Variants in RBM4 observed in about 807,000 individuals in gnomAD.
The protein encoded by RBM4 is RNA binding motif protein 4, also known as RNA-binding protein 4.
A neutral mutation model predicts 29.5 loss-of-function variants in RBM4; 7 were observed. The observed-to-expected ratio is 0.24, with a 90% CI of 0.14 to 0.45. The LOEUF is 0.45. Ranked by LOEUF, RBM4 falls within the 20% of genes least tolerant of loss-of-function variation. The pLI, the probability that RBM4 is intolerant of heterozygous loss-of-function variation, is 1.00. For synonymous variants in RBM4, 220 were observed against 205.4 expected (o/e 1.07, Z -0.61); for missense variants, 387 against 502.3 (o/e 0.77, Z 2.19).
At chr11:66,657,452 G>C (rs1382242889) in intron 2 of RBM4, among the ~76,000 whole-genome samples, 3 of 151,532 alleles carry the variant, frequency 2.0e-5, no homozygotes, top group Non-Finnish European at 4.4e-5. Flanking sequence ...GGAGGCCGAG[G>C]GGGTGGATCA....
chr11:66,646,522 G>T, downstream of RBM4: 1 of 988,626 alleles, frequency 1.0e-6, no homozygotes, highest in Non-Finnish European at 1.2e-6. Context: ...GGGTTCATTT[G>T]TACCTTGAAG....
In RBM4 at chr11:66,643,560, T is replaced by A; in HGVS notation, c.523T>A (p.Cys175Ser). ...CGKEGHWSKE[C>S]PIDRSGRVAD... ...GAAAGAGGGGCACTGGTCCAAAGAG[T>A]GTCCGATAGATCGTTCAGGCCGCGT... The change falls in exon 3 of 4, where the codon TGT becomes AGT. Residue 175 changes from cysteine to serine, a missense_variant. Physicochemically the swap from Cys to Ser is moderately radical, Grantham distance 112. This residue lies in a region of RBM4 where 281 missense variants were observed against 288.7 expected (regional missense o/e 0.97). Transcript: ENST00000310092. This position sits in a 1 kb window ranked among gnomAD's most constrained non-coding sequence, Gnocchi z 6.1. The A allele has an allele frequency of 1.2e-6, 2 of 1,613,862 alleles. No homozygotes were observed. The highest frequency in any genetic ancestry group is 1.7e-6 in the Non-Finnish European group (2 of 1,179,972).
chr11:66,658,337 CTTTT>C (rs35133059), intron 2 of RBM4, among the ~76,000 whole-genome samples: 5 of 50,454 alleles, frequency 9.9e-5, no homozygotes, highest in African/African-American at 3.1e-4. Flanking sequence ...CTAGTCTGAC[CTTTT>C]TTTTTTTTTT....
intron 2 of RBM4, chr11:66,665,755 C>A: frequency 7.7e-7 from 1 of 1,300,782 alleles, no homozygotes; most frequent in Non-Finnish European, 1.0e-6. Flanking sequence ...CTATCAATAG[C>A]TATATATAGG....
chr11:66,661,981 G>A (rs1437766905), intron 2 of RBM4, among the ~76,000 whole-genome samples: 2 of 152,212 alleles, frequency 1.3e-5, no homozygotes, highest in Non-Finnish European at 2.9e-5. Flanking sequence ...AGTGAGCCGA[G>A]ATCATGCCAG....
intron 1 of RBM4, chr11:66,639,497 G>C (rs1344114356): frequency 3.0e-6 from 2 of 660,544 alleles, no homozygotes; most frequent in East Asian, 5.5e-5. Flanking sequence ...TATTGCAGAC[G>C]TCTTCTTATT....
rs962409318 is a variant in RBM4, at chr11:66,643,877, A to G, written c.840A>G (p.Ser280=). 1.9e-6 allele frequency: 3 copies of G among 1,613,638 alleles called. No individual in the cohort carries two copies. The highest frequency in any genetic ancestry group is 2.7e-5 in the African/African-American group (2 of 74,856). The change falls in exon 3 of 4, where the codon TCA becomes TCG. Residue 280 remains serine (S), a synonymous_variant. Coordinates refer to ENST00000310092, the MANE Select transcript of RBM4 (RefSeq NM_002896.4). This position sits in a 1 kb window ranked among gnomAD's most constrained non-coding sequence, Gnocchi z 6.1. ...ACGATAGACACCTGTTGCCGACCTC[A>G]GGAGCTGCTGCCACAGCTGCTGCTG... is the stretch of plus-strand genomic sequence containing the variant. The part of the protein sequence containing the change: ...DPYDRHLLPT[S]GAAATAAAAA...
chr11:66,653,515 C>A (rs1938877371), intron 2 of RBM4, among the ~76,000 whole-genome samples: 1 of 152,062 alleles, frequency 6.6e-6, no homozygotes, highest in Non-Finnish European at 1.5e-5. Flanking sequence ...GCACATGCCA[C>A]CACGCCCAGC....
chr11:66,658,609 A>G (rs1372525678), intron 2 of RBM4, among the ~76,000 whole-genome samples: 2 of 151,888 alleles, frequency 1.3e-5, no homozygotes, highest in Admixed American at 1.3e-4. Context: ...AGACATATAC[A>G]GTGCTGCGAG....
At chr11:66,642,656 C>G (rs571580585) in intron 2 of RBM4, among the ~76,000 whole-genome samples, 1 of 152,166 alleles carries the variant, frequency 6.6e-6, no homozygotes, top group Non-Finnish European at 1.5e-5. Flanking sequence ...CTCCACTTTC[C>G]TCAGGCACGT....
chr11:66,646,624 G>A (rs953557194), downstream of RBM4, among the ~76,000 whole-genome samples: 8 of 152,282 alleles, frequency 5.3e-5, no homozygotes, highest in Non-Finnish European at 7.4e-5. Context: ...GGTGCCAGAG[G>A]AAGGAGGTTA....
chr11:66,665,743 G>GTCTA (rs1939205753), intron 2 of RBM4: 1 of 1,323,874 alleles, frequency 7.6e-7, no homozygotes, highest in Admixed American at 2.3e-5. Flanking sequence ...TTACCTAGGA[G>GTCTA]TCTATCAATA....
exon 3 of RBM4, chr11:66,666,546 A>G: frequency 3.6e-6 from 2 of 549,484 alleles, no homozygotes; most frequent in Non-Finnish European, 4.6e-6. Context: ...TAGTTGAACA[A>G]CCACTGCTTG....
intron 2 of RBM4, among the ~76,000 whole-genome samples, chr11:66,662,412 A>ATTTT (rs1179087652): frequency 2.0e-5 from 3 of 151,888 alleles, no homozygotes; most frequent in African/African-American, 7.2e-5. Flanking sequence ...TTATTTATTT[A>ATTTT]TTTTTTTGAG....
At position 66,643,659 on chromosome 11, in the gene RBM4, T is replaced by G; in HGVS notation, c.622T>G (p.Ser208Ala). 6.2e-7 allele frequency: 1 copy of G among 1,614,176 alleles called. No individual in the cohort carries two copies. The change falls in exon 3 of 4, where the codon TCA becomes GCA. Residue 208 changes from serine (S) to alanine (A), a missense_variant. Ser to Ala is a moderately conservative substitution (Grantham distance 99, BLOSUM62 1). Transcript: ENST00000310092. The surrounding 1 kb of genome is among the most constrained non-coding windows in gnomAD (Gnocchi z 6.1). ...RTPYTMSYGD[S>A]LYYNNAYGAL... Reference sequence around the variant, plus strand: ...GCCTTACACCATGAGCTATGGGGATTCATTGTATTACAACAACGCGTACGG... The same window carrying G: ...GCCTTACACCATGAGCTATGGGGATGCATTGTATTACAACAACGCGTACGG...
At chr11:66,646,738 C>T (rs756408218), downstream of RBM4, among the ~76,000 whole-genome samples, 4 of 152,206 alleles carry the variant, frequency 2.6e-5, no homozygotes, top group African/African-American at 4.8e-5. Context: ...TAGGTCTTCT[C>T]TTCTAGAGAA....
Position 66,666,523 on chromosome 11 carries a change from G to A in RBM4, c.*558G>A, listed in dbSNP as rs544810845. ...AAGGTAAGTTTCTTTAAAAGTCATC[G>A]CTAAAAAGAGGTTAGTTGAACAACC... is the stretch of plus-strand genomic sequence containing the variant. On this transcript the variant is annotated 3_prime_UTR_variant, in exon 3 of 3. Transcript: ENST00000396053. 68 of 839,884 alleles carry A rather than the reference G, an allele frequency of 8.1e-5. No individual in the cohort carries two copies. In the Admixed American group the frequency reaches 1.1e-3, roughly 14 times the overall value. 52.0% of individuals were successfully genotyped at this position (839,884 alleles called of 1,614,324 possible). A position where few individuals can be genotyped will look rare whatever the true frequency, so the allele number is the denominator to read the frequency against.
At position 66,665,862 on chromosome 11, in the gene RBM4, T is replaced by TA. The variant is rs1256901287; in HGVS notation, c.421dup (p.Thr141AsnfsTer11). On this transcript the variant is annotated frameshift_variant, in exon 3 of 3. Coordinates refer to the RBM4 transcript ENST00000396053. LOFTEE classifies it low-confidence loss of function (END_TRUNC). The stretch of plus-strand genomic sequence containing the variant: ...TTTCTTATCCATCTTTTAGGCAAGA[T>TA]AACCCCTGTGACAGAAGGCTACTGT... The TA allele has an allele frequency of 8.5e-6, 13 of 1,531,190 alleles. No homozygotes were observed. Among genetic ancestry groups the TA allele is most frequent in the Non-Finnish European group, 6.1e-6 (7 of 1,145,260 alleles). The allele number at this position is 1,531,190 out of a possible 1,614,324, so 94.9% of individuals were successfully genotyped here.
intron 2 of RBM4, among the ~76,000 whole-genome samples, chr11:66,651,733 C>T (rs1473104107): frequency 6.6e-6 from 1 of 152,166 alleles, no homozygotes; most frequent in Non-Finnish European, 1.5e-5. Flanking sequence ...AATTTTATTT[C>T]TCACAGTTTC....
Sources: allele counts gnomAD v4.1 joint callset (sites outside exome capture counted in the v4.1 genomes callset), GRCh38; gene constraint gnomAD v4.1.1; regional missense constraint gnomAD v4.1.1; non-coding constraint Gnocchi (gnomAD v3.1); transcripts MANE v1.5; gene names NCBI Gene and HGNC (gene_info 2026-07-23, HGNC 2026-07-21).